The following ZNF532 variants were observed in gnomAD, a reference collection of about 807,000 sequenced individuals.
ZNF532 encodes zinc finger protein 532.
A neutral mutation model predicts 89.3 loss-of-function variants in ZNF532; 22 were observed. That is an observed-to-expected ratio of 0.25 (90% CI 0.18 to 0.35). ZNF532 has a LOEUF of 0.35. Ranked by LOEUF, ZNF532 falls within the 10% of genes least tolerant of loss-of-function variation. The pLI, the probability that ZNF532 is intolerant of heterozygous loss-of-function variation, is 1.00. For synonymous variants in ZNF532, 606 were observed against 649.6 expected, an observed-to-expected ratio of 0.93 and a Z score of 1.02; for missense variants, 1,132 against 1,643.4, an observed-to-expected ratio of 0.69 and a Z score of 5.38.
chr18:58,942,941 A>G (rs191663556), intron 5 of ZNF532, among the ~76,000 whole-genome samples: 215 of 152,326 alleles, frequency 1.4e-3, no homozygotes, highest in Non-Finnish European at 2.5e-3. Context: ...ATATGGATGT[A>G]TGAAAAAATA....
chr18:58,961,051 C>A (rs1057068085), intron 7 of ZNF532, among the ~76,000 whole-genome samples: 1 of 152,218 alleles, frequency 6.6e-6, no homozygotes, highest in African/African-American at 2.4e-5. Flanking sequence ...GGAAAGCTAA[C>A]ACCCTTCCTT....
At position 58,890,290 on chromosome 18, in the gene ZNF532, G is replaced by A. The variant is rs1273140925; in HGVS notation, c.-18+24711G>A. 6.6e-5 allele frequency among the ~76,000 whole-genome samples: 10 copies of A among 150,968 alleles called. No individual in the cohort carries two copies. In the East Asian group the frequency reaches 1.4e-3, roughly 20 times the overall value. On this transcript the variant is annotated intron_variant, in intron 2 of 9. Coordinates refer to ENST00000591808, the MANE Select transcript of ZNF532 (RefSeq NM_001375912.1). ...CACACATACATATATATATATACACGTATATATATAACTCTTAAGTAAAAT... is the reference window on the plus strand; with the variant it reads ...CACACATACATATATATATATACACATATATATATAACTCTTAAGTAAAAT...
intron 5 of ZNF532, among the ~76,000 whole-genome samples, chr18:58,941,122 G>C (rs2062984521): frequency 6.6e-6 from 1 of 151,790 alleles, no homozygotes; most frequent in African/African-American, 2.4e-5. Context: ...GATCTTTGTA[G>C]GTTGATCCCA....
At chr18:58,910,456 A>G (rs1269371889) in intron 2 of ZNF532, among the ~76,000 whole-genome samples, 1 of 151,954 alleles carries the variant, frequency 6.6e-6, no homozygotes, top group East Asian at 1.9e-4. Context: ...ATTTACACAC[A>G]GTGAAATTCT....
chr18:58,929,308 G>C (rs2061765768), intron 3 of ZNF532, among the ~76,000 whole-genome samples: 1 of 152,110 alleles, frequency 6.6e-6, no homozygotes, highest in Non-Finnish European at 1.5e-5. Flanking sequence ...GGGGATTGCT[G>C]GTTCACTTTA....
intron 2 of ZNF532, among the ~76,000 whole-genome samples, chr18:58,875,751 C>T (rs1467320377): frequency 6.6e-6 from 1 of 152,118 alleles, no homozygotes; most frequent in Non-Finnish European, 1.5e-5. Flanking sequence ...AGTAGGTGAT[C>T]GACCCTAGAT....
chr18:58,975,040 C>T (rs1023070324), intron 7 of ZNF532, among the ~76,000 whole-genome samples: 3 of 152,156 alleles, frequency 2.0e-5, no homozygotes, highest in East Asian at 3.8e-4. Context: ...ACAGCAGAAA[C>T]GGGCTGTAGT....
chr18:58,877,350 C>T (rs1332385299), intron 2 of ZNF532, among the ~76,000 whole-genome samples: 1 of 152,080 alleles, frequency 6.6e-6, no homozygotes, highest in East Asian at 1.9e-4. Context: ...GGGGCCTGGA[C>T]CAAACAGGAG....
intron 2 of ZNF532, among the ~76,000 whole-genome samples, chr18:58,875,554 C>T (rs2057355223): frequency 6.6e-6 from 1 of 152,122 alleles, no homozygotes; most frequent in Non-Finnish European, 1.5e-5. Flanking sequence ...TCCTAATTCA[C>T]CTGTCTCCAT....
chr18:58,904,070 G>T (rs559843526), intron 2 of ZNF532, among the ~76,000 whole-genome samples: 20 of 152,314 alleles, frequency 1.3e-4, no homozygotes, highest in African/African-American at 4.8e-4. Flanking sequence ...ATTAAATGCA[G>T]CTGGCCATGG....
intron 3 of ZNF532, among the ~76,000 whole-genome samples, chr18:58,929,370 G>A (rs868421953): frequency 6.6e-5 from 10 of 152,224 alleles, no homozygotes; most frequent in South Asian, 2.1e-4. Flanking sequence ...CTGTATTCTC[G>A]TGAGCAGCCT....
In ZNF532 at chr18:58,984,998, GGAGT is replaced by G. The variant is rs1305192214; in HGVS notation, c.*537_*540del. On this transcript the variant is annotated 3_prime_UTR_variant, in exon 10 of 10. Coordinates refer to ENST00000591808, the MANE Select transcript of ZNF532 (RefSeq NM_001375912.1). ...ACTTCCTCGATGTGCCTGCCCTGAG[GGAGT>G]GAGTTCACATTTGAGACAACTGCAC... 3 of 155,658 alleles carry G rather than the reference GGAGT, an allele frequency of 1.9e-5. No homozygotes were observed. Among genetic ancestry groups the G allele is most frequent in the African/African-American group, 7.2e-5 (3 of 41,454 alleles). The allele number at this position is 155,658 out of a possible 1,614,324, so 9.6% of individuals were successfully genotyped here.
intron 7 of ZNF532, among the ~76,000 whole-genome samples, chr18:58,978,405 T>C (rs1447937874): frequency 6.6e-6 from 1 of 152,194 alleles, no homozygotes; most frequent in Admixed American, 6.5e-5. Flanking sequence ...TACCACAAAT[T>C]AGGTAGTGGC....
At chr18:58,888,738 A>G (rs933739187) in intron 2 of ZNF532, among the ~76,000 whole-genome samples, 1 of 51,554 alleles carries the variant, frequency 1.9e-5, no homozygotes, top group Non-Finnish European at 3.0e-5. Flanking sequence ...TTATATATAT[A>G]TATTTTATAT....
At chr18:58,888,882 A>AT (rs2058664428) in intron 2 of ZNF532, among the ~76,000 whole-genome samples, 2 of 55,172 alleles carry the variant, frequency 3.6e-5, no homozygotes, top group Non-Finnish European at 5.9e-5. Context: ...TATATTATAT[A>AT]TATATATTTT....
intron 2 of ZNF532, among the ~76,000 whole-genome samples, chr18:58,897,136 G>A (rs1016049752): frequency 3.9e-5 from 6 of 152,040 alleles, no homozygotes; most frequent in Non-Finnish European, 7.4e-5. Flanking sequence ...GCAGGGGTGG[G>A]GGGGATTGTT....
At chr18:58,908,682 T>G (rs968224661) in intron 2 of ZNF532, among the ~76,000 whole-genome samples, 2 of 152,236 alleles carry the variant, frequency 1.3e-5, no homozygotes, top group Admixed American at 1.3e-4. Flanking sequence ...AATAAAAGTT[T>G]CTGCAGCCTT....
Position 58,940,981 on chromosome 18 carries a change from C to G in ZNF532, c.2705+1360C>G, listed in dbSNP as rs150567537. ...ACACTCTTTCTCTCTCTCTCTCTCT[C>G]TCTCTCTCTCCTGGCTTTTGTTGAA... On this transcript the variant is annotated intron_variant, in intron 5 of 9. Transcript: ENST00000591808. 4.8e-3 allele frequency among the ~76,000 whole-genome samples: 712 copies of G among 147,846 alleles called. 9 individuals carry two copies. The highest frequency in any genetic ancestry group is 0.016 in the African/African-American group (662 of 40,482).
chr18:58,876,841 A>G (rs1450517947), intron 2 of ZNF532, among the ~76,000 whole-genome samples: 1 of 152,160 alleles, frequency 6.6e-6, no homozygotes, highest in African/African-American at 2.4e-5. Context: ...AGGTGGGAAG[A>G]TCACTTGAGG....
Sources: gnomAD v4.1 joint callset for allele counts (sites outside exome capture counted in the v4.1 genomes callset) on GRCh38, gnomAD v4.1.1 for gene constraint, MANE v1.5 for transcripts, NCBI Gene and HGNC (gene_info 2026-07-23, HGNC 2026-07-21) for gene names.